PUM1: variants seen among roughly 807,000 people sequenced by gnomAD.
The protein encoded by PUM1 is pumilio homolog 1.
PUM1 carries 13 observed loss-of-function variants against 131.8 expected under a neutral mutation model. The ratio of observed to expected loss-of-function variants is 0.10; its 90% CI spans 0.06 to 0.16. The LOEUF is 0.16. PUM1 is among the 10% of genes least tolerant of loss of function. The pLI, the probability that PUM1 is intolerant of heterozygous loss-of-function variation, is 1.00. For synonymous variants in PUM1, 509 were observed against 556.5 expected (o/e 0.91, Z 1.20); for missense variants, 961 against 1,512.4 (o/e 0.64, Z 6.05).
chr1:30,967,321 C>A lies in PUM1; in HGVS notation c.1646-11G>T. On this transcript the variant is annotated splice_polypyrimidine_tract_variant and intron_variant, in intron 11 of 21. Coordinates refer to ENST00000426105, the MANE Select transcript of PUM1 (RefSeq NM_001020658.2). ...CCAACACCGGATAACCTAGGAATAT[C>A]AAGCCAACAAAGAAATGTATATGTT... 6.2e-7 allele frequency: 1 copy of A among 1,609,360 alleles called. No homozygotes were observed. The highest frequency in any genetic ancestry group is 1.1e-5 in the South Asian group (1 of 90,904).
intron 3 of PUM1, among the ~76,000 whole-genome samples, chr1:31,009,017 C>CAAA (rs57893493): frequency 6.6e-4 from 81 of 121,826 alleles, no homozygotes; most frequent in African/African-American, 1.8e-3. Context: ...ACTAAAAATA[C>CAAA]AAAAAAAAAA....
In PUM1 at chr1:30,945,359, G is replaced by A; in HGVS notation, c.2981C>T (p.Ala994Val). The change falls in exon 18 of 22, where the codon GCG becomes GTG. Residue 994 changes from alanine (A) to valine (V), a missense_variant. Physicochemically the swap from Ala to Val is moderately conservative, Grantham distance 64. Around this residue, in one of 4 missense-constraint regions of PUM1, gnomAD observed 178 missense variants for 327.5 expected, o/e 0.54. Coordinates refer to ENST00000426105, the MANE Select transcript of PUM1 (RefSeq NM_001020658.2). ...QPQSLQFIID[A>V]FKGQVFALST... Reference sequence around the variant, plus strand: ...TGGGTCACTTACCTGTCCCTTAAACGCATCGATGATAAATTGCAAAGACTG... The same window carrying A: ...TGGGTCACTTACCTGTCCCTTAAACACATCGATGATAAATTGCAAAGACTG... The A allele has an allele frequency of 6.2e-6, 10 of 1,614,042 alleles. No homozygotes were observed. The highest frequency in any genetic ancestry group is 7.6e-6 in the Non-Finnish European group (9 of 1,179,984).
At chr1:31,013,665 A>G (rs1348874441) in intron 3 of PUM1, among the ~76,000 whole-genome samples, 5 of 152,226 alleles carry the variant, frequency 3.3e-5, no homozygotes, top group Non-Finnish European at 7.3e-5. Context: ...TCAGTACATT[A>G]AGAGAAGATG....
intron 2 of PUM1, among the ~76,000 whole-genome samples, chr1:31,050,540 A>G (rs1644083296): frequency 6.6e-6 from 1 of 152,212 alleles, no homozygotes; most frequent in Non-Finnish European, 1.5e-5. Context: ...CATAATGTTA[A>G]GCCTTGTGAA....
At chr1:31,044,345 T>C (rs977452762) in intron 2 of PUM1, among the ~76,000 whole-genome samples, 4 of 152,098 alleles carry the variant, frequency 2.6e-5, no homozygotes, top group Admixed American at 1.3e-4. Context: ...GAGCCTGCAG[T>C]GAGCTGAGAT....
intron 3 of PUM1, among the ~76,000 whole-genome samples, chr1:31,016,834 C>G (rs1642836657): frequency 6.6e-6 from 1 of 152,102 alleles, no homozygotes; most frequent in Non-Finnish European, 1.5e-5. Context: ...TTAAAAAAAG[C>G]AAACTTTAAT....
chr1:31,050,258 G>A (rs1014257257), intron 2 of PUM1, among the ~76,000 whole-genome samples: 5 of 152,064 alleles, frequency 3.3e-5, no homozygotes, highest in African/African-American at 7.2e-5. Flanking sequence ...GCCAAGGTGC[G>A]AGGACTGCTT....
At position 31,065,625 on chromosome 1, in the gene PUM1, G is replaced by A. The variant is rs1232572472; in HGVS notation, c.-21C>T. The A allele has an allele frequency of 1.9e-6, 3 of 1,547,802 alleles. No homozygotes were observed. Among genetic ancestry groups the A allele is most frequent in the East Asian group, 4.9e-5 (2 of 40,836 alleles). On this transcript the variant is annotated 5_prime_UTR_variant, in exon 1 of 22. Coordinates refer to ENST00000426105, the MANE Select transcript of PUM1 (RefSeq NM_001020658.2). ...GGGTGCGGATACTCACGGGCGGAGC[G>A]GTAGGATGAAGATGGATTTCAGCCC...
At chr1:31,007,642 C>T (rs1642441366) in intron 3 of PUM1, among the ~76,000 whole-genome samples, 1 of 152,156 alleles carries the variant, frequency 6.6e-6, no homozygotes, top group Non-Finnish European at 1.5e-5. Flanking sequence ...CAACACTAAC[C>T]TATTCCAAGA....
intron 10 of PUM1, among the ~76,000 whole-genome samples, chr1:30,972,383 G>A (rs1424155640): frequency 0.12 from 4 of 34 alleles, 2 homozygotes; most frequent in Non-Finnish European, 0.2. Context: ...GGAGGGGAGG[G>A]GAGGGGAGGG....
At chr1:30,965,958 A>G in intron 13 of PUM1, 24 bp downstream of exon 13, 1 of 1,589,016 alleles carries the variant, frequency 6.3e-7, no homozygotes, top group East Asian at 2.2e-5. Flanking sequence ...TTCAGTCTTA[A>G]GAGCATATCA....
rs368330168 is a variant in PUM1, at chr1:31,054,093, CAA to C, written c.363+5109_363+5110del. On this transcript the variant is annotated intron_variant, in intron 2 of 21. Coordinates refer to ENST00000426105, the MANE Select transcript of PUM1 (RefSeq NM_001020658.2). ...TGGACTACAGAGCAAGACTTTATTT[CAA>C]AAAAAAAAAAAAAAAAAAAAAAAAA... 7.2e-3 allele frequency among the ~76,000 whole-genome samples: 396 copies of C among 54,818 alleles called. 1 individual carries two copies. The highest frequency in any genetic ancestry group is 0.023 in the Middle Eastern group (1 of 44). 36.0% of individuals were successfully genotyped at this position (54,818 alleles called of 152,430 possible). A position where few individuals can be genotyped will look rare whatever the true frequency, so the allele number is the denominator to read the frequency against.
intron 7 of PUM1, among the ~76,000 whole-genome samples, chr1:30,989,571 CAAAAAAAAAAAAAAAAA>C (rs1174565063): frequency 3.6e-5 from 1 of 27,696 alleles, no homozygotes; most frequent in East Asian, 8.9e-4. Context: ...GACTCCGTCT[CAAAAAAAAAAAAAAAAA>C]AAAAAAAAAA....
intron 9 of PUM1, among the ~76,000 whole-genome samples, chr1:30,977,150 T>G (rs1224110960): frequency 6.6e-6 from 1 of 152,112 alleles, no homozygotes; most frequent in Non-Finnish European, 1.5e-5. Context: ...AGCCTGGGGG[T>G]AATTTTACTT....
chr1:30,956,484 A>G (rs1165870963), intron 14 of PUM1, among the ~76,000 whole-genome samples: 2 of 152,100 alleles, frequency 1.3e-5, no homozygotes, highest in Non-Finnish European at 2.9e-5. Flanking sequence ...GACTACTCTC[A>G]AACTCCTGAC....
chr1:31,060,097 C>T (rs926283202), intron 1 of PUM1, among the ~76,000 whole-genome samples: 8 of 151,268 alleles, frequency 5.3e-5, no homozygotes, highest in Non-Finnish European at 1.0e-4. Context: ...ATCTACCCAC[C>T]TCGGCCTCCG....
Position 30,992,670 on chromosome 1 carries a change from G to A in PUM1, c.888-10C>T. The A allele has an allele frequency of 1.9e-6, 3 of 1,608,128 alleles. No homozygotes were observed. The highest frequency in any genetic ancestry group is 2.6e-6 in the Non-Finnish European group (3 of 1,176,384). ...ATTACCAGGGGTACGGCTAAACAGAGAAAGTAAAGGGCATTAAACCTTATT... is the reference window on the plus strand; with the variant it reads ...ATTACCAGGGGTACGGCTAAACAGAAAAAGTAAAGGGCATTAAACCTTATT... On this transcript the variant is annotated splice_polypyrimidine_tract_variant and intron_variant, in intron 6 of 21. Transcript: ENST00000426105.
intron 10 of PUM1, 64 bp downstream of exon 10, chr1:30,974,587 A>ATGCG: frequency 1.4e-6 from 2 of 1,444,172 alleles, no homozygotes; most frequent in Non-Finnish European, 1.9e-6. Flanking sequence ...GCGCAATATT[A>ATGCG]CCTATTAATT....
At chr1:30,957,545 G>A (rs1640221480) in intron 14 of PUM1, among the ~76,000 whole-genome samples, 1 of 152,194 alleles carries the variant, frequency 6.6e-6, no homozygotes, top group East Asian at 1.9e-4. Flanking sequence ...GGACAGTGGT[G>A]GATTTCATAG....
Sources: gnomAD v4.1 joint callset for allele counts (sites outside exome capture counted in the v4.1 genomes callset) on GRCh38, gnomAD v4.1.1 for gene constraint, gnomAD v4.1.1 regional missense constraint, MANE v1.5 for transcripts, NCBI Gene and HGNC (gene_info 2026-07-23, HGNC 2026-07-21) for gene names.